The following SLC16A2 variants were observed in gnomAD, a reference collection of about 807,000 sequenced individuals.
SLC16A2 encodes the protein monocarboxylate transporter 8.
In SLC16A2, 3 loss-of-function variants were observed where a neutral mutation model predicts 27.2. That is an observed-to-expected ratio of 0.11 (90% CI 0.05 to 0.28). The LOEUF (loss-of-function observed/expected upper bound fraction) is 0.28. Ranked by LOEUF, SLC16A2 falls within the 10% of genes least tolerant of loss-of-function variation. SLC16A2 has a pLI of 1.00. For missense variants in SLC16A2, 295 were observed against 458.5 expected (o/e 0.64, Z 3.26); for synonymous variants, 202 against 187.8 (o/e 1.08, Z -0.62).
At chrX:74,516,972 C>T (rs1046570728) in intron 1 of SLC16A2, among the ~76,000 whole-genome samples, 26 of 111,858 alleles carry the variant, frequency 2.3e-4, no homozygotes, top group Admixed American at 8.5e-4. Flanking sequence ...ATTTATATAA[C>T]TTTCTTCAAA....
intron 1 of SLC16A2, among the ~76,000 whole-genome samples, chrX:74,454,521 G>T (rs1929006137): frequency 9.7e-6 from 1 of 103,541 alleles, no homozygotes; most frequent in Non-Finnish European, 2.0e-5. Context: ...GGTGGGAATT[G>T]AACAATGAGA....
intron 1 of SLC16A2, among the ~76,000 whole-genome samples, chrX:74,481,518 G>A (rs1258644716): frequency 9.1e-6 from 1 of 110,031 alleles, no homozygotes; most frequent in Admixed American, 9.8e-5. Context: ...ATTTCTTTAT[G>A]TTCCTTGTAT....
At chrX:74,448,896 C>A (rs781513621) in intron 1 of SLC16A2, among the ~76,000 whole-genome samples, 3 of 110,983 alleles carry the variant, frequency 2.7e-5, no homozygotes, top group Non-Finnish European at 3.8e-5. Context: ...CCTCAAATGT[C>A]AGTTACCCAG....
At chrX:74,503,541 A>G (rs764608122) in intron 1 of SLC16A2, among the ~76,000 whole-genome samples, 1 of 111,267 alleles carries the variant, frequency 9.0e-6, no homozygotes, top group Non-Finnish European at 1.9e-5. Flanking sequence ...TGATGTTCCA[A>G]TCTCATAGTG....
intron 1 of SLC16A2, among the ~76,000 whole-genome samples, chrX:74,512,094 G>C (rs780371275): frequency 8.9e-6 from 1 of 111,867 alleles, no homozygotes; most frequent in East Asian, 2.8e-4. Context: ...CCACCACCTG[G>C]CTGGATGTGC....
chrX:74,471,241 T>A (rs1335281499), intron 1 of SLC16A2, among the ~76,000 whole-genome samples: 2 of 112,208 alleles, frequency 1.8e-5, no homozygotes, highest in East Asian at 5.6e-4. Flanking sequence ...TACATTTAGG[T>A]CTATGATTAG....
chrX:74,429,583 C>T (rs1449067827), intron 1 of SLC16A2, among the ~76,000 whole-genome samples: 1 of 111,601 alleles, frequency 9.0e-6, no homozygotes, highest in Non-Finnish European at 1.9e-5. Flanking sequence ...GGAAATGTTG[C>T]CAAACAAGCA....
chrX:74,531,647 C>A lies in SLC16A2; in HGVS notation c.*94C>A. On this transcript the variant is annotated 3_prime_UTR_variant, in exon 6 of 6. Coordinates refer to ENST00000587091, the MANE Select transcript of SLC16A2 (RefSeq NM_006517.5). ...TTTTTGCCACCAGCACACTTGTTCC[C>A]AGACCTGCGCACACAGCATTTCAGC... 3.1e-6 allele frequency: 2 copies of A among 651,993 alleles called. No homozygotes were observed. The highest frequency in any genetic ancestry group is 2.5e-6 in the Non-Finnish European group (1 of 393,755). The allele number at this position is 651,993 out of a possible 1,213,427, so 53.7% of individuals were successfully genotyped here.
chrX:74,528,736 G>C (rs185344651), intron 4 of SLC16A2, among the ~76,000 whole-genome samples: 2 of 111,988 alleles, frequency 1.8e-5, no homozygotes, highest in Non-Finnish European at 3.8e-5. Flanking sequence ...CCCATTTCAA[G>C]AAGCTGTGCC....
rs142037168 is a variant in SLC16A2, at chrX:74,511,148, G to T, written c.431-9842G>T. Reference sequence around the variant, plus strand: ...CATGTCTTGAGACAAAATGTGGAGAGATAAAAATGAGATTCGTGGTTTTTT... The same window carrying T: ...CATGTCTTGAGACAAAATGTGGAGATATAAAAATGAGATTCGTGGTTTTTT... On this transcript the variant is annotated intron_variant, in intron 1 of 5. Transcript: ENST00000587091. 2.4e-3 allele frequency among the ~76,000 whole-genome samples: 265 copies of T among 111,272 alleles called. 2 individuals carry two copies. Among genetic ancestry groups the T allele is most frequent in the African/African-American group, 8.1e-3 (249 of 30,761 alleles).
intron 1 of SLC16A2, among the ~76,000 whole-genome samples, chrX:74,433,682 A>C (rs1022738194): frequency 8.9e-6 from 1 of 111,909 alleles, no homozygotes. Context: ...TTCGAACTAT[A>C]TCTTGGTACA....
chrX:74,465,809 AG>A (rs200957215), intron 1 of SLC16A2, among the ~76,000 whole-genome samples: 1,456 of 111,543 alleles, frequency 0.013, 21 homozygotes, highest in African/African-American at 0.046. Flanking sequence ...AGGGGACAGA[AG>A]GGGGAGGTGG....
At chrX:74,469,324 T>C (rs1371757093) in intron 1 of SLC16A2, among the ~76,000 whole-genome samples, 7 of 111,836 alleles carry the variant, frequency 6.3e-5, no homozygotes, top group Non-Finnish European at 1.1e-4. Flanking sequence ...AGTTTTCTTC[T>C]TTTGGATATA....
chrX:74,502,160 G>T (rs919771855), intron 1 of SLC16A2, among the ~76,000 whole-genome samples: 1 of 110,952 alleles, frequency 9.0e-6, no homozygotes, highest in Non-Finnish European at 1.9e-5. Flanking sequence ...TAATCTTCCT[G>T]GGCCTCAGTT....
chrX:74,509,720 C>T (rs368634800), intron 1 of SLC16A2, among the ~76,000 whole-genome samples: 14 of 111,020 alleles, frequency 1.3e-4, no homozygotes, highest in African/African-American at 2.0e-4. Context: ...CGTGCCACCA[C>T]GCCCGGCTAA....
At chrX:74,527,846 G>T (rs1219423640) in intron 4 of SLC16A2, among the ~76,000 whole-genome samples, 1 of 112,023 alleles carries the variant, frequency 8.9e-6, no homozygotes, top group African/African-American at 3.3e-5. Context: ...TTTCCATAAT[G>T]GGCTTTGTTG....
At chrX:74,526,573 G>A (rs1025313568) in intron 4 of SLC16A2, among the ~76,000 whole-genome samples, 1 of 112,339 alleles carries the variant, frequency 8.9e-6, no homozygotes, top group African/African-American at 3.2e-5. Context: ...GATTACAAGA[G>A]TTGGTAAATC....
At chrX:74,454,349 T>C (rs1318962559) in intron 1 of SLC16A2, among the ~76,000 whole-genome samples, 3 of 110,127 alleles carry the variant, frequency 2.7e-5, no homozygotes, top group Non-Finnish European at 3.8e-5. Flanking sequence ...AATGATAGAC[T>C]GGATTAAGAA....
intron 1 of SLC16A2, among the ~76,000 whole-genome samples, chrX:74,502,290 C>T (rs773038222): frequency 3.2e-4 from 36 of 112,058 alleles, no homozygotes; most frequent in African/African-American, 1.1e-3. Context: ...GACCAGGCTC[C>T]TTCCTACCCT....
Sources: allele counts gnomAD v4.1 joint callset (sites outside exome capture counted in the v4.1 genomes callset), GRCh38; gene constraint gnomAD v4.1.1; transcripts MANE v1.5; gene names NCBI Gene and HGNC (gene_info 2026-07-23, HGNC 2026-07-21).